The following NR6A1 variants were observed in gnomAD, a reference collection of about 807,000 sequenced individuals.
NR6A1 encodes the protein retinoic acid receptor-related testis-associated receptor.
NR6A1 carries 7 observed loss-of-function variants against 59.1 expected under a neutral mutation model. The ratio of observed to expected loss-of-function variants is 0.12; its 90% CI spans 0.07 to 0.22. The LOEUF (loss-of-function observed/expected upper bound fraction) is 0.22. NR6A1 is among the 10% of genes least tolerant of loss of function. The pLI, the probability that NR6A1 is intolerant of heterozygous loss-of-function variation, is 1.00. For missense variants in NR6A1, 468 were observed against 611.6 expected (o/e 0.77, Z 2.48); for synonymous variants, 243 against 236.1 (o/e 1.03, Z -0.27).
intron 4 of NR6A1, among the ~76,000 whole-genome samples, chr9:124,540,492 A>G (rs895655157): frequency 6.6e-6 from 1 of 152,050 alleles, no homozygotes; most frequent in Admixed American, 6.6e-5. Context: ...CCACTCCTCA[A>G]TGACAATCTC....
intron 2 of NR6A1, among the ~76,000 whole-genome samples, chr9:124,703,917 G>C (rs1378785690): frequency 2.6e-5 from 4 of 152,056 alleles, no homozygotes; most frequent in African/African-American, 4.8e-5. Flanking sequence ...CTCCCAAGTA[G>C]CTGGGACTAA....
intron 2 of NR6A1, among the ~76,000 whole-genome samples, chr9:124,616,175 A>G (rs1475904385): frequency 6.6e-6 from 1 of 151,882 alleles, no homozygotes; most frequent in Non-Finnish European, 1.5e-5. Flanking sequence ...AGGTGAGCAG[A>G]TCACCTGAGG....
At chr9:124,598,647 T>TAGA in intron 2 of NR6A1, 1 of 159,924 alleles carries the variant, frequency 6.3e-6, no homozygotes, top group South Asian at 8.5e-5. Context: ...AGAGTAAAAT[T>TAGA]AAAAAAAAAA....
In NR6A1 at chr9:124,666,275, C is replaced by CTTTTTTTTTTTTTT. The variant is rs922378385; in HGVS notation, c.142+67019_142+67032dup. Reference sequence around the variant, plus strand: ...TTGGCGGAATTACCTCTATGTGGTTCTTTTTTTTTTTTTTTTTTTTTGAGA... The same window carrying CTTTTTTTTTTTTTT: ...TTGGCGGAATTACCTCTATGTGGTTCTTTTTTTTTTTTTTTTTTTTTTTTTTTTTTTTTTTGAGA... On this transcript the variant is annotated intron_variant, in intron 2 of 9. Coordinates refer to ENST00000487099, the MANE Select transcript of NR6A1 (RefSeq NM_033334.4). Among the ~76,000 whole-genome samples the CTTTTTTTTTTTTTT allele has an allele frequency of 4.8e-4, 49 of 103,048 alleles. 3 individuals carry two copies. Among genetic ancestry groups the CTTTTTTTTTTTTTT allele is most frequent in the African/African-American group, 1.6e-3 (37 of 23,008 alleles). 67.6% of individuals were successfully genotyped at this position (103,048 alleles called of 152,430 possible).
intron 2 of NR6A1, among the ~76,000 whole-genome samples, chr9:124,588,646 G>A (rs185739788): frequency 6.7e-6 from 1 of 148,780 alleles, no homozygotes; most frequent in Admixed American, 6.6e-5. Flanking sequence ...CTGGCCCGGC[G>A]TGGTGGCTCA....
intron 2 of NR6A1, among the ~76,000 whole-genome samples, chr9:124,583,343 C>A (rs890354446): frequency 3.3e-5 from 5 of 152,156 alleles, no homozygotes; most frequent in South Asian, 4.1e-4. Flanking sequence ...TTAACCGAGG[C>A]CTCTCCCTCT....
At chr9:124,602,019 T>C (rs1835466090) in intron 2 of NR6A1, among the ~76,000 whole-genome samples, 2 of 152,210 alleles carry the variant, frequency 1.3e-5, no homozygotes, top group African/African-American at 2.4e-5. Context: ...TTGAACCAAA[T>C]AATTGTAAAA....
At chr9:124,752,308 G>GT (rs921659101) in intron 1 of NR6A1, among the ~76,000 whole-genome samples, 2 of 151,576 alleles carry the variant, frequency 1.3e-5, no homozygotes, top group African/African-American at 2.4e-5. Context: ...ATGACAATAG[G>GT]TTTTTTTCTT....
intron 7 of NR6A1, among the ~76,000 whole-genome samples, chr9:124,533,849 C>T (rs552288987): frequency 5.1e-4 from 78 of 152,004 alleles, no homozygotes; most frequent in African/African-American, 1.8e-3. Flanking sequence ...CGGGGTTTCA[C>T]CATGTTAGCC....
At chr9:124,617,513 T>C (rs1835934146) in intron 2 of NR6A1, among the ~76,000 whole-genome samples, 1 of 152,238 alleles carries the variant, frequency 6.6e-6, no homozygotes, top group Non-Finnish European at 1.5e-5. Context: ...GTATCTTTTC[T>C]AGTGTCTGAT....
intron 1 of NR6A1, among the ~76,000 whole-genome samples, chr9:124,737,734 T>C (rs1840054817): frequency 6.6e-6 from 1 of 152,036 alleles, no homozygotes. Flanking sequence ...GGCATGGCAG[T>C]GCACACCTGT....
intron 2 of NR6A1, among the ~76,000 whole-genome samples, chr9:124,680,963 T>A (rs1838134781): frequency 6.6e-6 from 1 of 152,240 alleles, no homozygotes; most frequent in Non-Finnish European, 1.5e-5. Flanking sequence ...TATTTGTCAC[T>A]GTCACACACT....
chr9:124,652,993 C>G (rs958168040), intron 2 of NR6A1, among the ~76,000 whole-genome samples: 3 of 152,170 alleles, frequency 2.0e-5, no homozygotes, highest in South Asian at 4.1e-4. Context: ...TTCCTACAGC[C>G]TCTGCTTTGG....
At chr9:124,606,435 T>G (rs1026402791) in intron 2 of NR6A1, among the ~76,000 whole-genome samples, 4 of 152,012 alleles carry the variant, frequency 2.6e-5, no homozygotes, top group Admixed American at 6.6e-5. Context: ...AATGGGTACT[T>G]GATATATGTC....
At chr9:124,543,940 A>G (rs1316883238) in intron 3 of NR6A1, 83 bp from the exon 4 acceptor site, 2 of 1,137,254 alleles carry the variant, frequency 1.8e-6, no homozygotes, top group African/African-American at 1.5e-5. Flanking sequence ...TACTTGGCCA[A>G]AAGCATAAGA....
chr9:124,645,758 A>C (rs546078206), intron 2 of NR6A1, among the ~76,000 whole-genome samples: 2 of 152,206 alleles, frequency 1.3e-5, no homozygotes, highest in African/African-American at 4.8e-5. Context: ...CAGCACTACC[A>C]ATCTTTTGGA....
chr9:124,654,787 C>T (rs907191848), intron 2 of NR6A1, among the ~76,000 whole-genome samples: 1 of 151,822 alleles, frequency 6.6e-6, no homozygotes, highest in African/African-American at 2.4e-5. Context: ...TTCTGTCTCC[C>T]CATTAGAATG....
chr9:124,540,618 G>A (rs779989597), intron 4 of NR6A1, among the ~76,000 whole-genome samples: 3 of 152,038 alleles, frequency 2.0e-5, no homozygotes, highest in Non-Finnish European at 4.4e-5. Context: ...TGGACAACAC[G>A]GTGAAACCCG....
intron 2 of NR6A1, among the ~76,000 whole-genome samples, chr9:124,598,449 C>T (rs1835340879): frequency 6.6e-6 from 1 of 151,572 alleles, no homozygotes; most frequent in African/African-American, 2.4e-5. Flanking sequence ...TCAACATTTT[C>T]TACTTGCTAA....
Sources: allele counts gnomAD v4.1 joint callset (sites outside exome capture counted in the v4.1 genomes callset), GRCh38; gene constraint gnomAD v4.1.1; transcripts MANE v1.5; gene names NCBI Gene and HGNC (gene_info 2026-07-23, HGNC 2026-07-21).